Variants in SGCZ observed in about 807,000 individuals in gnomAD.
The protein encoded by SGCZ is sarcoglycan zeta, also known as zeta-sarcoglycan.
In SGCZ, 40 loss-of-function variants were observed where a neutral mutation model predicts 41.3. The ratio of observed to expected loss-of-function variants is 0.97; its 90% CI spans 0.75 to 1.26. SGCZ has a LOEUF of 1.26. SGCZ is among the 50% of genes most tolerant of loss of function. The pLI, the probability that SGCZ is intolerant of heterozygous loss-of-function variation, is 0.00. For missense variants in SGCZ, 552 were observed against 369.8 expected, an observed-to-expected ratio of 1.49 and a Z score of -4.04; for synonymous variants, 206 against 137.5, an observed-to-expected ratio of 1.50 and a Z score of -3.49.
intron 1 of SGCZ, among the ~76,000 whole-genome samples, chr8:15,013,098 T>C (rs550822523): frequency 1.1e-3 from 170 of 152,240 alleles, no homozygotes; most frequent in Non-Finnish European, 1.8e-3. Context: ...TGGTTTGTAT[T>C]AAAGGAAAAT....
intron 2 of SGCZ, among the ~76,000 whole-genome samples, chr8:14,469,607 G>C (rs1262339142): frequency 6.6e-6 from 1 of 151,922 alleles, no homozygotes; most frequent in Non-Finnish European, 1.5e-5. Flanking sequence ...ATGATGGCCA[G>C]TATCCCTTAG....
intron 2 of SGCZ, among the ~76,000 whole-genome samples, chr8:14,546,020 G>T (rs535073998): frequency 6.6e-6 from 1 of 152,286 alleles, no homozygotes; most frequent in Admixed American, 6.5e-5. Context: ...GAAATATACT[G>T]CCAGCTAAGA....
chr8:14,315,908 C>A (rs1801698988), intron 3 of SGCZ, among the ~76,000 whole-genome samples: 1 of 150,610 alleles, frequency 6.6e-6, no homozygotes. Context: ...GAAGGAAAAA[C>A]ACAAAAAGGC....
intron 2 of SGCZ, among the ~76,000 whole-genome samples, chr8:14,458,515 T>TA (rs1465412041): frequency 1.3e-5 from 2 of 152,244 alleles, no homozygotes; most frequent in South Asian, 4.1e-4. Context: ...AAAGAAATTT[T>TA]AAAAAGGGAA....
Position 14,983,811 on chromosome 8 carries a change from A to G in SGCZ, c.39+253774T>C, listed in dbSNP as rs540807884. Among the ~76,000 whole-genome samples the G allele has an allele frequency of 2.6e-5, 4 of 152,284 alleles. No homozygotes were observed. In the East Asian group the frequency reaches 7.7e-4, roughly 29 times the overall value. On this transcript the variant is annotated intron_variant, in intron 1 of 7. Transcript: ENST00000382080. ...GGTTTTCTACTGCCTGAGCTCCTCC[A>G]TATTTTACTATATCATAATAAAGCC...
Position 14,089,965 on chromosome 8 carries a change from T to C in SGCZ, c.*478A>G, listed in dbSNP as rs1801635288. ...GCAAGCATTACATAATGCTTTAAAA[T>C]TTTAAAAGTCGGGGATAAAAGTTTA... On this transcript the variant is annotated 3_prime_UTR_variant, in exon 8 of 8. Transcript: ENST00000382080. 6.6e-6 allele frequency: 1 copy of C among 152,664 alleles called. No homozygotes were observed. The allele number at this position is 152,664 out of a possible 1,614,324, so 9.5% of individuals were successfully genotyped here. A position where few individuals can be genotyped will look rare whatever the true frequency, so the allele number is the denominator to read the frequency against.
chr8:15,003,886 C>G (rs1024329683), intron 1 of SGCZ, among the ~76,000 whole-genome samples: 6 of 152,032 alleles, frequency 3.9e-5, no homozygotes, highest in African/African-American at 1.4e-4. Flanking sequence ...GAAACCCTAC[C>G]GGGGTCAAGT....
chr8:14,280,188 GGAT>G (rs938310489), intron 3 of SGCZ, among the ~76,000 whole-genome samples: 27 of 151,850 alleles, frequency 1.8e-4, no homozygotes, highest in African/African-American at 6.3e-4. Flanking sequence ...ATAATAGTAT[GGAT>G]GATAATAGGA....
chr8:14,701,065 G>C (rs1010656589), intron 1 of SGCZ, among the ~76,000 whole-genome samples: 1 of 151,930 alleles, frequency 6.6e-6, no homozygotes, highest in Admixed American at 6.6e-5. Context: ...AAGAAAGTAG[G>C]AACTGGAGTG....
chr8:14,149,151 C>A (rs1803618157), intron 5 of SGCZ, among the ~76,000 whole-genome samples: 2 of 152,086 alleles, frequency 1.3e-5, no homozygotes, highest in African/African-American at 4.8e-5. Flanking sequence ...ATTTTCACCA[C>A]TGTTATTCAC....
chr8:14,252,730 A>G (rs190863319), intron 3 of SGCZ, among the ~76,000 whole-genome samples: 63 of 152,286 alleles, frequency 4.1e-4, no homozygotes, highest in African/African-American at 1.4e-3. Flanking sequence ...TTGTAACTCC[A>G]ATGGCCTGAT....
chr8:14,729,029 A>C (rs1810147785), intron 1 of SGCZ, among the ~76,000 whole-genome samples: 1 of 152,202 alleles, frequency 6.6e-6, no homozygotes, highest in South Asian at 2.1e-4. Flanking sequence ...TAATGTGGTC[A>C]CTAGGAATTA....
intron 1 of SGCZ, among the ~76,000 whole-genome samples, chr8:15,079,194 T>G (rs1671092734): frequency 6.6e-6 from 1 of 152,220 alleles, no homozygotes; most frequent in Admixed American, 6.5e-5. Flanking sequence ...CTCCTATATT[T>G]ACTTGTATTC....
chr8:14,886,831 A>C (rs1041139254), intron 1 of SGCZ, among the ~76,000 whole-genome samples: 7 of 152,150 alleles, frequency 4.6e-5, no homozygotes, highest in African/African-American at 1.7e-4. Flanking sequence ...GGAGCAGACT[A>C]AAGGGGCAAG....
At chr8:14,996,513 A>G (rs1428483060) in intron 1 of SGCZ, among the ~76,000 whole-genome samples, 2 of 151,824 alleles carry the variant, frequency 1.3e-5, no homozygotes, top group Non-Finnish European at 2.9e-5. Context: ...GTGATCATTG[A>G]GCCTCAGCCT....
At chr8:15,189,706 G>A (rs1440752235) in intron 1 of SGCZ, among the ~76,000 whole-genome samples, 3 of 151,902 alleles carry the variant, frequency 2.0e-5, no homozygotes, top group African/African-American at 4.8e-5. Context: ...GTGCTAGCAT[G>A]CCCAGCTAAT....
intron 4 of SGCZ, among the ~76,000 whole-genome samples, chr8:14,192,438 A>C (rs1471232838): frequency 6.6e-6 from 1 of 151,870 alleles, no homozygotes; most frequent in Non-Finnish European, 1.5e-5. Context: ...TTTCTCATGT[A>C]TAATTTGGAA....
intron 1 of SGCZ, among the ~76,000 whole-genome samples, chr8:14,630,577 G>A (rs1041821321): frequency 4.6e-5 from 7 of 152,170 alleles, no homozygotes; most frequent in South Asian, 2.1e-4. Flanking sequence ...GCACACGTAT[G>A]TTTATTGCGG....
At chr8:14,781,258 G>C (rs1468023569) in intron 1 of SGCZ, among the ~76,000 whole-genome samples, 4 of 152,008 alleles carry the variant, frequency 2.6e-5, no homozygotes, top group Non-Finnish European at 5.9e-5. Flanking sequence ...TTGAGACAAG[G>C]TCTCATTGTG....
Sources: allele counts gnomAD v4.1 joint callset (sites outside exome capture counted in the v4.1 genomes callset), GRCh38; gene constraint gnomAD v4.1.1; transcripts MANE v1.5; gene names NCBI Gene and HGNC (gene_info 2026-07-23, HGNC 2026-07-21).